The following SLC2A2 variants were observed in gnomAD, a reference collection of about 807,000 sequenced individuals.
SLC2A2 encodes the protein solute carrier family 2 member 2.
Under a neutral mutation model 54.5 loss-of-function variants are expected in SLC2A2, and 36 were observed. The observed-to-expected ratio is 0.66, with a 90% CI of 0.51 to 0.87. The LOEUF is 0.87. Ranked by LOEUF, SLC2A2 falls within the 40% of genes least tolerant of loss-of-function variation. The pLI is 0.00. For synonymous variants in SLC2A2, 223 were observed against 219.1 expected, an observed-to-expected ratio of 1.02 and a Z score of -0.16; for missense variants, 543 against 624.3, an observed-to-expected ratio of 0.87 and a Z score of 1.39.
At chr3:171,011,340 A>G (rs28720688) in intron 3 of SLC2A2, among the ~76,000 whole-genome samples, 21,856 of 152,136 alleles carry the variant, frequency 0.14, 1,695 homozygotes, top group East Asian at 0.2. Context: ...AGAGTAAGGT[A>G]GAAGAGGAGC....
At position 171,007,185 on chromosome 3, in the gene SLC2A2, T is replaced by G. The variant is rs1715655740; in HGVS notation, c.575A>C (p.His192Pro). The change falls in exon 5 of 11, where the codon CAT becomes CCT. Residue 192 changes from histidine to proline, a missense_variant. Physicochemically the swap from His to Pro is moderately conservative, Grantham distance 77. Transcript: ENST00000314251. ...TALRGALGTF[H>P]QLAIVTGILI... is the part of the protein sequence containing the mutation. ...AATGCCCGTGACGATGGCCAGCTGATGAAAAGTGCCAAGTGCTCCCCTGAG... is the reference window on the plus strand; with the variant it reads ...AATGCCCGTGACGATGGCCAGCTGAGGAAAAGTGCCAAGTGCTCCCCTGAG... 6.2e-7 allele frequency: 1 copy of G among 1,612,614 alleles called. No homozygotes were observed. Among genetic ancestry groups the G allele is most frequent in the South Asian group, 1.1e-5 (1 of 91,060 alleles).
At chr3:171,006,167 G>C in intron 5 of SLC2A2, 62 bp from the exon 6 acceptor site, 3 of 1,495,530 alleles carry the variant, frequency 2.0e-6, no homozygotes, top group Non-Finnish European at 2.8e-6. Flanking sequence ...TTTTACACTA[G>C]TTTGTTGAAA....
At chr3:171,021,649 G>T (rs771866778) in intron 1 of SLC2A2, among the ~76,000 whole-genome samples, 9 of 152,166 alleles carry the variant, frequency 5.9e-5, no homozygotes, top group Non-Finnish European at 1.2e-4. Flanking sequence ...TGGGAAGTCT[G>T]GTATAAGTAT....
At chr3:171,015,368 G>C (rs1050230621) in intron 2 of SLC2A2, among the ~76,000 whole-genome samples, 5 of 152,036 alleles carry the variant, frequency 3.3e-5, no homozygotes, top group African/African-American at 1.2e-4. Context: ...TACTTGGAGG[G>C]GGCTGAAGCG....
rs938526894 is a variant in SLC2A2 at position 171,005,334 on chromosome 3, A to G, written c.914T>C (p.Leu305Pro). 12 of 1,612,938 alleles carry G rather than the reference A, an allele frequency of 7.4e-6. No homozygotes were observed. In the African/African-American group the frequency reaches 1.5e-4, roughly 20 times the overall value. ...AGCCACATGCAGCATCAGTGCCACTAGAATAGGCTGTCGGTAGCTGGAATT... is the reference window on the plus strand; with the variant it reads ...AGCCACATGCAGCATCAGTGCCACTGGAATAGGCTGTCGGTAGCTGGAATT... ...FTNSSYRQPI[L>P]VALMLHVAQQ... The change falls in exon 7 of 11, where the codon CTA (leucine) becomes CCA (proline). Residue 305 changes from leucine (L) to proline (P), a missense_variant. Transcript: ENST00000314251.
intron 3 of SLC2A2, among the ~76,000 whole-genome samples, chr3:171,011,661 T>C (rs934710377): frequency 1.3e-5 from 2 of 152,178 alleles, no homozygotes; most frequent in Non-Finnish European, 2.9e-5. Flanking sequence ...GATTTAGAGC[T>C]GGCTAGCCCC....
intron 1 of SLC2A2, among the ~76,000 whole-genome samples, chr3:171,021,376 G>T (rs945635166): frequency 7.2e-5 from 11 of 152,164 alleles, no homozygotes; most frequent in Non-Finnish European, 1.3e-4. Context: ...TACTACTTAT[G>T]CTTACTGCAT....
At chr3:171,018,731 T>TC (rs1364036509) in intron 1 of SLC2A2, 108 bp from the exon 2 acceptor site, 8 of 760,016 alleles carry the variant, frequency 1.1e-5, no homozygotes, top group Non-Finnish European at 1.9e-5. Context: ...GCTGGTTCTT[T>TC]CCCCTCAATA....
chr3:170,996,512 T>C lies in SLC2A2; in HGVS notation c.*1391A>G. The C allele has an allele frequency of 2.5e-6, 1 of 397,206 alleles. No individual in the cohort carries two copies. Among genetic ancestry groups the C allele is most frequent in the African/African-American group, 2.1e-5 (1 of 48,686 alleles). 24.6% of individuals were successfully genotyped at this position (397,206 alleles called of 1,614,324 possible). On this transcript the variant is annotated 3_prime_UTR_variant, in exon 11 of 11. Coordinates refer to ENST00000314251, the MANE Select transcript of SLC2A2 (RefSeq NM_000340.2). ...ACATTAAAGCAAACATAAGAAGGATTGATCAGTGCTCCAGTTGGTGGAGAA... is the reference window on the plus strand; with the variant it reads ...ACATTAAAGCAAACATAAGAAGGATCGATCAGTGCTCCAGTTGGTGGAGAA...
At chr3:171,019,244 G>C (rs1172757846) in intron 1 of SLC2A2, among the ~76,000 whole-genome samples, 1 of 150,882 alleles carries the variant, frequency 6.6e-6, no homozygotes. Context: ...TATATCATTG[G>C]GAGCGGTAAA....
chr3:171,010,773 A>T (rs909436374), intron 3 of SLC2A2, among the ~76,000 whole-genome samples: 7 of 152,168 alleles, frequency 4.6e-5, no homozygotes, highest in African/African-American at 1.7e-4. Flanking sequence ...CAAAATCTAT[A>T]AATTATTAGT....
At chr3:171,020,732 A>C (rs1454616718) in intron 1 of SLC2A2, among the ~76,000 whole-genome samples, 1 of 151,698 alleles carries the variant, frequency 6.6e-6, no homozygotes, top group Non-Finnish European at 1.5e-5. Flanking sequence ...AAAAATACAA[A>C]GATTAGCAGG....
Position 170,999,142 on chromosome 3 carries a change from G to A in SLC2A2, c.1093C>T (p.Arg365Ter), listed in dbSNP as rs121909742. ...ATTCCAATTAGAAAGAGAGAACGTC[G>A]CCCTGCCTTCTCCACAAGGAATACC... The part of the protein sequence containing the change: ...VSVFLVEKAG[R>*]RSLFLIGMSG... Residue 365 changes from arginine (R) to a stop codon, truncating the protein, a stop_gained, in exon 9 of 11, where the codon CGA (arginine) becomes TGA (stop). Coordinates refer to ENST00000314251, the MANE Select transcript of SLC2A2 (RefSeq NM_000340.2). LOFTEE classifies it high-confidence loss of function. 23 of 1,611,572 alleles carry A rather than the reference G, an allele frequency of 1.4e-5. No individual in the cohort carries two copies. The highest frequency in any genetic ancestry group is 1.7e-5 in the Non-Finnish European group (20 of 1,178,124).
At chr3:171,019,099 A>G (rs1222930597) in intron 1 of SLC2A2, among the ~76,000 whole-genome samples, 147 of 34,442 alleles carry the variant, frequency 4.3e-3, no homozygotes, top group South Asian at 0.011. Flanking sequence ...GTGTGTGTGT[A>G]TATATATATA....
intron 1 of SLC2A2, among the ~76,000 whole-genome samples, chr3:171,019,249 G>A (rs562056334): frequency 7.9e-5 from 12 of 151,090 alleles, no homozygotes; most frequent in African/African-American, 1.2e-4. Context: ...CATTGGGAGC[G>A]GTAAAATAAG....
Position 171,010,041 on chromosome 3 carries a change from C to T in SLC2A2, c.413G>A (p.Gly138Glu), listed in dbSNP as rs1300072764. 6.2e-7 allele frequency: 1 copy of T among 1,612,514 alleles called. No homozygotes were observed. The highest frequency in any genetic ancestry group is 8.5e-7 in the Non-Finnish European group (1 of 1,179,118). Residue 138 changes from glycine to glutamate, a missense_variant, in exon 4 of 11, where the codon GGA (glycine) becomes GAA (glutamate). Gly to Glu is a moderately conservative substitution (Grantham distance 98). Around this residue, in one of 3 missense-constraint regions of SLC2A2, gnomAD observed 318 missense variants for 343.8 expected, o/e 0.93. Coordinates refer to ENST00000314251, the MANE Select transcript of SLC2A2 (RefSeq NM_000340.2). ...MLVANILSLV[G>E]ALLMGFSKLG... ...TTTTGAAAACCCCATCAAGAGAGCTCCAACTAATGACAGAATGTTTGCTAC... is the reference window on the plus strand; with the variant it reads ...TTTTGAAAACCCCATCAAGAGAGCTTCAACTAATGACAGAATGTTTGCTAC...
intron 7 of SLC2A2, among the ~76,000 whole-genome samples, chr3:171,003,736 T>C (rs1018082545): frequency 4.6e-5 from 7 of 152,024 alleles, no homozygotes; most frequent in Non-Finnish European, 8.8e-5. Flanking sequence ...CTAGGAACAT[T>C]CTAGTACAAT....
chr3:170,998,116 C>A lies in SLC2A2; in HGVS notation c.1375-13G>T, dbSNP rs1715176995. 1 of 1,613,422 alleles carries A rather than the reference C, an allele frequency of 6.2e-7. No individual in the cohort carries two copies. On this transcript the variant is annotated splice_polypyrimidine_tract_variant and intron_variant, in intron 10 of 10. Coordinates refer to ENST00000314251, the MANE Select transcript of SLC2A2 (RefSeq NM_000340.2). ...GTCCACAGAAGTCCTGGATAGAAAGCAAACACAGACTTTGAGTTAGCAGTT... is the reference window on the plus strand; with the variant it reads ...GTCCACAGAAGTCCTGGATAGAAAGAAAACACAGACTTTGAGTTAGCAGTT...
Position 171,014,522 on chromosome 3 carries a change from A to C in SLC2A2, c.318T>G (p.Val106=). 1 of 1,614,150 alleles carries C rather than the reference A, an allele frequency of 6.2e-7. No homozygotes were observed. Among genetic ancestry groups the C allele is most frequent in the Non-Finnish European group, 8.5e-7 (1 of 1,179,976 alleles). ...CAAAGAATGATGCAGTCATTCCACC[A>C]ACTGCAAAGCTGGATACAGACAGGG... ...LWSLSVSSFA[V]GGMTASFFGG... Residue 106 remains valine, a synonymous_variant, in exon 3 of 11, where the codon GTT becomes GTG. Transcript: ENST00000314251.
Sources: gnomAD v4.1 joint callset for allele counts (sites outside exome capture counted in the v4.1 genomes callset) on GRCh38, gnomAD v4.1.1 for gene constraint, gnomAD v4.1.1 regional missense constraint, MANE v1.5 for transcripts, NCBI Gene and HGNC (gene_info 2026-07-23, HGNC 2026-07-21) for gene names.